Variants in LEPROTL1 observed in about 807,000 individuals in gnomAD.
LEPROTL1 encodes leptin receptor overlapping transcript like 1.
A neutral mutation model predicts 15.4 loss-of-function variants in LEPROTL1; 6 were observed. The observed-to-expected ratio is 0.39, with a 90% CI of 0.21 to 0.77. The LOEUF (loss-of-function observed/expected upper bound fraction) is 0.77, where lower values mean the gene tolerates loss of function less well. Among genes scored for constraint, LEPROTL1 ranks in the 30% least tolerant of loss-of-function variants. The pLI is 0.41. For missense variants in LEPROTL1, 128 were observed against 158.1 expected (o/e 0.81, Z 1.02); for synonymous variants, 56 against 52.6 (o/e 1.06, Z -0.28).
At chr8:30,117,236 C>T in intron 3 of LEPROTL1, 1 of 575,626 alleles carries the variant, frequency 1.7e-6, no homozygotes, top group Non-Finnish European at 3.1e-6. Flanking sequence ...GCCTGTAATC[C>T]CAGTGCTTTG....
chr8:30,122,785 ACT>A (rs1333066819), intron 3 of LEPROTL1, among the ~76,000 whole-genome samples: 1 of 152,238 alleles, frequency 6.6e-6, no homozygotes, highest in South Asian at 2.1e-4. Flanking sequence ...ACAATGCAAG[ACT>A]CTCTCCCAAA....
intron 1 of LEPROTL1, among the ~76,000 whole-genome samples, chr8:30,097,290 AATTTATTTAACCTCTAATTGGCTACCTT>A (rs1802381151): frequency 6.6e-6 from 1 of 151,910 alleles, no homozygotes; most frequent in South Asian, 2.1e-4. Flanking sequence ...ACTTTTAAGC[AATTTATTTAACCTCTAATTGGCTACCTT>A]ATTCGGTATG....
At chr8:30,114,837 C>A (rs1566742) in intron 3 of LEPROTL1, among the ~76,000 whole-genome samples, 130,850 of 152,136 alleles carry the variant, frequency 0.86, 57,439 homozygotes, top group South Asian at 0.98. Flanking sequence ...TTTTAGCAGA[C>A]TTGGGAACAA....
At chr8:30,131,959 T>C in intron 3 of LEPROTL1, 2 of 1,547,928 alleles carry the variant, frequency 1.3e-6, no homozygotes, top group African/African-American at 1.4e-5. Flanking sequence ...ACATTTGTGC[T>C]TTCTCTTCGC....
At chr8:30,112,205 A>G (rs914895383), downstream of LEPROTL1, among the ~76,000 whole-genome samples, 2 of 152,052 alleles carry the variant, frequency 1.3e-5, no homozygotes, top group African/African-American at 4.8e-5. Flanking sequence ...ACAAAACACT[A>G]TTCAGAGTTG....
chr8:30,133,704 C>A (rs868247567), intron 4 of LEPROTL1, among the ~76,000 whole-genome samples: 2 of 150,752 alleles, frequency 1.3e-5, no homozygotes, highest in African/African-American at 4.9e-5. Context: ...TGGGTGGAAC[C>A]CTTGAGCCCA....
chr8:30,105,154 G>A (rs1585465004), intron 3 of LEPROTL1: 1 of 152,384 alleles, frequency 6.6e-6, no homozygotes, highest in South Asian at 2.1e-4. Context: ...ACTGAAGAGG[G>A]GAAGGGGCTG....
At chr8:30,133,939 A>G (rs1291289326) in intron 4 of LEPROTL1, among the ~76,000 whole-genome samples, 2 of 152,184 alleles carry the variant, frequency 1.3e-5, no homozygotes, top group African/African-American at 4.8e-5. Flanking sequence ...AAACTACCAC[A>G]AAAGACTGCA....
chr8:30,126,972 G>A (rs1460166921), intron 3 of LEPROTL1, among the ~76,000 whole-genome samples: 4 of 152,010 alleles, frequency 2.6e-5, no homozygotes, highest in Non-Finnish European at 5.9e-5. Flanking sequence ...CCCAGGAGGC[G>A]GAGGTTGCAG....
rs1802559320 is a variant in LEPROTL1, at chr8:30,105,975, T to C, written c.*113T>C. Reference sequence around the variant, plus strand: ...TGGTATAGCAAGCCTCTTGGGGGTATTTTAGGTGCTCCCTTCTCACTTTTA... The same window carrying C: ...TGGTATAGCAAGCCTCTTGGGGGTACTTTAGGTGCTCCCTTCTCACTTTTA... On this transcript the variant is annotated 3_prime_UTR_variant, in exon 4 of 4. Coordinates refer to ENST00000321250, the MANE Select transcript of LEPROTL1 (RefSeq NM_015344.3). 3 of 1,302,550 alleles carry C rather than the reference T, an allele frequency of 2.3e-6. No individual in the cohort carries two copies. The highest frequency in any genetic ancestry group is 3.0e-6 in the Non-Finnish European group (3 of 1,013,902). The allele number at this position is 1,302,550 out of a possible 1,614,324, so 80.7% of individuals were successfully genotyped here. A position where few individuals can be genotyped will look rare whatever the true frequency, so the allele number is the denominator to read the frequency against.
chr8:30,124,689 T>C (rs1295158851), intron 3 of LEPROTL1, among the ~76,000 whole-genome samples: 1 of 152,174 alleles, frequency 6.6e-6, no homozygotes, highest in Non-Finnish European at 1.5e-5. Context: ...GTTTATTATA[T>C]AGTTATGTAA....
Position 30,105,729 on chromosome 8 carries a change from G to C in LEPROTL1, c.280-17G>C, listed in dbSNP as rs766425015. The C allele has an allele frequency of 6.3e-7, 1 of 1,592,812 alleles. No homozygotes were observed. The highest frequency in any genetic ancestry group is 1.4e-5 in the African/African-American group (1 of 73,352). On this transcript the variant is annotated splice_polypyrimidine_tract_variant and intron_variant, in intron 3 of 3. Transcript: ENST00000321250. ...CGTTTTTCATGCCTGTTGACTGAGTGTATCTTATTTCCATAGATTGAGTGG... is the reference window on the plus strand; with the variant it reads ...CGTTTTTCATGCCTGTTGACTGAGTCTATCTTATTTCCATAGATTGAGTGG...
downstream of LEPROTL1, among the ~76,000 whole-genome samples, chr8:30,109,725 G>A (rs1297067975): frequency 6.6e-6 from 1 of 151,986 alleles, no homozygotes; most frequent in East Asian, 1.9e-4. Context: ...AAAAAATAAG[G>A]CAACCAAGCT....
chr8:30,132,788 A>C (rs1228368473), intron 4 of LEPROTL1: 1 of 1,551,616 alleles, frequency 6.4e-7, no homozygotes, highest in African/African-American at 1.4e-5. Context: ...TGCTCAGACA[A>C]AGAGCTCCTG....
In LEPROTL1 at chr8:30,104,290, C is replaced by CT; in HGVS notation, c.93-5dup. The CT allele has an allele frequency of 1.4e-6, 2 of 1,445,652 alleles. No individual in the cohort carries two copies. 89.6% of individuals were successfully genotyped at this position (1,445,652 alleles called of 1,614,324 possible). ...GCAAAAATTACATTAACTTATTTTT[C>CT]TTTTTCTAGCAAATACTGGCCCCTC... On this transcript the variant is annotated splice_polypyrimidine_tract_variant and intron_variant, in intron 2 of 3. Transcript: ENST00000321250.
At chr8:30,134,235 C>T (rs946837911) in intron 4 of LEPROTL1, among the ~76,000 whole-genome samples, 5 of 151,818 alleles carry the variant, frequency 3.3e-5, no homozygotes, top group Admixed American at 1.3e-4. Flanking sequence ...CCATCCTGGC[C>T]GATATGGTGA....
chr8:30,109,184 C>G (rs1015424231), downstream of LEPROTL1, among the ~76,000 whole-genome samples: 3 of 152,164 alleles, frequency 2.0e-5, no homozygotes, highest in Non-Finnish European at 4.4e-5. Context: ...CCAAAGTTAA[C>G]AAGCAACACA....
chr8:30,121,507 G>A (rs917287613), intron 3 of LEPROTL1, among the ~76,000 whole-genome samples: 2 of 152,148 alleles, frequency 1.3e-5, no homozygotes, highest in Admixed American at 6.5e-5. Flanking sequence ...GCCCACCTCA[G>A]CCTCCCAAGG....
chr8:30,107,752 C>CTTT lies in LEPROTL1; in HGVS notation c.*1896_*1898dup. 1 of 969,992 alleles carries CTTT rather than the reference C, an allele frequency of 1.0e-6. No homozygotes were observed. The highest frequency in any genetic ancestry group is 1.2e-6 in the Non-Finnish European group (1 of 816,030). 60.1% of individuals were successfully genotyped at this position (969,992 alleles called of 1,614,324 possible). A position where few individuals can be genotyped will look rare whatever the true frequency, so the allele number is the denominator to read the frequency against. On this transcript the variant is annotated 3_prime_UTR_variant, in exon 4 of 4. Coordinates refer to ENST00000321250, the MANE Select transcript of LEPROTL1 (RefSeq NM_015344.3). ...CTCTTTGTGCTTGTGATCTACTGGACTTTTTTTTGCAGGAAGTGCATTCTC... is the reference window on the plus strand; with the variant it reads ...CTCTTTGTGCTTGTGATCTACTGGACTTTTTTTTTTTGCAGGAAGTGCATTCTC...
Sources: gnomAD v4.1 joint callset for allele counts (sites outside exome capture counted in the v4.1 genomes callset) on GRCh38, gnomAD v4.1.1 for gene constraint, MANE v1.5 for transcripts, NCBI Gene and HGNC (gene_info 2026-07-23, HGNC 2026-07-21) for gene names.